Variants in ARB2A observed in about 807,000 individuals in gnomAD.
ARB2A encodes ARB2 cotranscriptional regulator A.
the ARB2A span, among the ~76,000 whole-genome samples, chr5:93,790,774 A>G: frequency 1.1e-4 from 17 of 152,164 alleles, no homozygotes; most frequent in African/African-American, 4.1e-4. Flanking sequence ...AAAAAAGATA[A>G]TCACAGAGAT....
At chr5:93,843,793 G>A in the ARB2A span, among the ~76,000 whole-genome samples, 21 of 152,146 alleles carry the variant, frequency 1.4e-4, no homozygotes, top group Non-Finnish European at 1.8e-4. Context: ...TGAAAAATAG[G>A]AGAGAAAAGT....
chr5:93,954,673 A>AAGCACAGCAC, the ARB2A span, among the ~76,000 whole-genome samples: 6 of 151,644 alleles, frequency 4.0e-5, no homozygotes, highest in Admixed American at 6.6e-5. Flanking sequence ...TACTGCCTCT[A>AAGCACAGCAC]AGCACAGCAC....
chr5:93,698,537 A>G, the ARB2A span, among the ~76,000 whole-genome samples: 1 of 152,162 alleles, frequency 6.6e-6, no homozygotes, highest in African/African-American at 2.4e-5. Flanking sequence ...ATTTGAACAA[A>G]GATCCAAAGA....
the ARB2A span, among the ~76,000 whole-genome samples, chr5:93,881,880 A>G: frequency 1.3e-5 from 2 of 151,340 alleles, no homozygotes; most frequent in Non-Finnish European, 3.0e-5. Context: ...TTTATTGTGT[A>G]TATAAATAAG....
At chr5:93,741,850 G>T in the ARB2A span, among the ~76,000 whole-genome samples, 2 of 152,080 alleles carry the variant, frequency 1.3e-5, no homozygotes, top group Non-Finnish European at 2.9e-5. Flanking sequence ...CTTACTCACT[G>T]CCTCCATCCC....
At chr5:94,107,208 C>T in the ARB2A span, among the ~76,000 whole-genome samples, 1 of 152,220 alleles carries the variant, frequency 6.6e-6, no homozygotes, top group African/African-American at 2.4e-5. Flanking sequence ...AAAATTATCT[C>T]AATTACGTAT....
the ARB2A span, among the ~76,000 whole-genome samples, chr5:93,902,481 C>T: frequency 2.6e-5 from 4 of 152,088 alleles, no homozygotes; most frequent in African/African-American, 7.2e-5. Context: ...GTACAAAGAA[C>T]GTTTCCATGG....
the ARB2A span, among the ~76,000 whole-genome samples, chr5:94,063,212 G>A: frequency 6.6e-6 from 1 of 151,892 alleles, no homozygotes. Context: ...GCAAGAGCCT[G>A]AGCAAGCCAT....
the ARB2A span, among the ~76,000 whole-genome samples, chr5:94,028,329 C>A: frequency 2.6e-5 from 4 of 152,188 alleles, no homozygotes; most frequent in Non-Finnish European, 5.9e-5. Flanking sequence ...TGTTTCATTC[C>A]CTCCATGATC....
chr5:93,647,586 C>T, the ARB2A span, among the ~76,000 whole-genome samples: 27 of 152,212 alleles, frequency 1.8e-4, no homozygotes, highest in African/African-American at 5.3e-4. Flanking sequence ...ACCCAGAGCA[C>T]GATCTCAGCC....
the ARB2A span, among the ~76,000 whole-genome samples, chr5:93,719,797 C>A: frequency 1.3e-5 from 2 of 152,186 alleles, no homozygotes; most frequent in African/African-American, 4.8e-5. Context: ...TTTAGCATCT[C>A]ATGTTTCCTA....
At chr5:93,809,462 T>C in the ARB2A span, among the ~76,000 whole-genome samples, 2 of 152,104 alleles carry the variant, frequency 1.3e-5, no homozygotes, top group Non-Finnish European at 2.9e-5. Flanking sequence ...ACATTTCTAG[T>C]GCTTTCTACA....
the ARB2A span, among the ~76,000 whole-genome samples, chr5:93,635,442 A>G: frequency 1.4e-5 from 2 of 147,076 alleles, no homozygotes; most frequent in African/African-American, 5.3e-5. Flanking sequence ...AGTATTTTCT[A>G]TACAGTTTAT....
At chr5:93,768,153 C>T in the ARB2A span, among the ~76,000 whole-genome samples, 4 of 151,462 alleles carry the variant, frequency 2.6e-5, no homozygotes, top group Admixed American at 6.6e-5. Flanking sequence ...GGTATGAGGA[C>T]GTAATAGCAT....
At chr5:93,857,935 C>T in the ARB2A span, among the ~76,000 whole-genome samples, 1 of 152,180 alleles carries the variant, frequency 6.6e-6, no homozygotes, top group African/African-American at 2.4e-5. Flanking sequence ...TTGGCTGCCC[C>T]CACATTACAT....
chr5:93,690,728 G>A, the ARB2A span, among the ~76,000 whole-genome samples: 2 of 152,150 alleles, frequency 1.3e-5, no homozygotes, highest in Non-Finnish European at 2.9e-5. Flanking sequence ...ACCTCCTCAA[G>A]TGAGTCCCTG....
chr5:93,846,989 G>A, the ARB2A span, among the ~76,000 whole-genome samples: 2 of 152,174 alleles, frequency 1.3e-5, no homozygotes, highest in Non-Finnish European at 2.9e-5. Flanking sequence ...TTCTTTCAAA[G>A]CTAGAGTCAA....
At chr5:93,737,030 T>C in the ARB2A span, 2 of 152,206 alleles carry the variant, frequency 1.3e-5, no homozygotes, top group Non-Finnish European at 2.9e-5. Context: ...ACAGATGATA[T>C]GATTTATATG....
At chr5:93,789,523 T>C in the ARB2A span, among the ~76,000 whole-genome samples, 2 of 152,244 alleles carry the variant, frequency 1.3e-5, no homozygotes, top group Non-Finnish European at 2.9e-5. Context: ...CAGATCATAA[T>C]TGCATTCAGT....
Sources: gnomAD v4.1 joint callset for allele counts (sites outside exome capture counted in the v4.1 genomes callset) on GRCh38, gnomAD v4.1.1 for gene constraint, MANE v1.5 for transcripts, NCBI Gene and HGNC (gene_info 2026-07-23, HGNC 2026-07-21) for gene names.